Variants in TCERG1L observed in about 807,000 individuals in gnomAD.
TCERG1L encodes the protein transcription elongation regulator 1-like protein.
A neutral mutation model predicts 56.3 loss-of-function variants in TCERG1L; 37 were observed. The observed-to-expected ratio is 0.66, with a 90% confidence interval of 0.51 to 0.87. The LOEUF is 0.87. Ranked by LOEUF, TCERG1L falls within the 40% of genes least tolerant of loss-of-function variation. TCERG1L has a pLI of 0.00. For missense variants in TCERG1L, 799 were observed against 774.2 expected, an observed-to-expected ratio of 1.03 and a Z score of -0.38; for synonymous variants, 324 against 326.3, an observed-to-expected ratio of 0.99 and a Z score of 0.08.
intron 2 of TCERG1L, 131 bp downstream of exon 2, chr10:131,309,022 G>C: frequency 9.6e-7 from 1 of 1,040,668 alleles, no homozygotes; most frequent in East Asian, 2.9e-5. Flanking sequence ...ATCCTGAAAT[G>C]ATTTATTTCT....
intron 10 of TCERG1L, among the ~76,000 whole-genome samples, chr10:131,099,303 C>T (rs941714683): frequency 5.3e-5 from 8 of 152,242 alleles, no homozygotes; most frequent in Non-Finnish European, 1.0e-4. Flanking sequence ...AACCTCTTCT[C>T]TGTCAGGGTA....
rs534106293 is a variant in TCERG1L at position 131,093,801 on chromosome 10, C to T, written c.1605-483G>A. 1.8e-4 allele frequency among the ~76,000 whole-genome samples: 28 copies of T among 152,276 alleles called. 1 individual carries two copies. The highest frequency in any genetic ancestry group is 3.4e-4 in the Non-Finnish European group (23 of 68,020). ...GCCAGGGGGTCTTCTTTGGGAAACT[C>T]GCCCTATCTAGAGGCTCAGAGAACT... On this transcript the variant is annotated intron_variant, in intron 11 of 11. Transcript: ENST00000368642.
intron 6 of TCERG1L, among the ~76,000 whole-genome samples, chr10:131,147,405 A>G (rs1469848035): frequency 6.6e-6 from 1 of 152,212 alleles, no homozygotes; most frequent in Non-Finnish European, 1.5e-5. Context: ...AGCCTGCGGC[A>G]TGGAGGTGCA....
At chr10:131,293,353 G>A (rs769502818) in intron 3 of TCERG1L, among the ~76,000 whole-genome samples, 55 of 152,116 alleles carry the variant, frequency 3.6e-4, no homozygotes, top group Admixed American at 6.6e-4. Context: ...CAGGAGTATC[G>A]CCGTCTTGGA....
At chr10:131,099,515 G>T (rs10765035) in intron 10 of TCERG1L, among the ~76,000 whole-genome samples, 58,096 of 152,024 alleles carry the variant, frequency 0.38, 11,442 homozygotes, top group Middle Eastern at 0.5. Context: ...ATAGCAACTG[G>T]GCACCAATCC....
intron 5 of TCERG1L, among the ~76,000 whole-genome samples, chr10:131,164,312 C>T (rs1025420219): frequency 2.0e-5 from 3 of 151,936 alleles, no homozygotes; most frequent in Non-Finnish European, 4.4e-5. Flanking sequence ...AAATATGGCC[C>T]ATCACAATTC....
chr10:131,173,259 G>A (rs148573294), intron 4 of TCERG1L, among the ~76,000 whole-genome samples: 213 of 152,284 alleles, frequency 1.4e-3, no homozygotes, highest in Non-Finnish European at 2.4e-3. Context: ...CCAAGATGCT[G>A]AGATAAAGTA....
At chr10:131,309,367 A>G in intron 1 of TCERG1L, 68 bp from the exon 2 acceptor site, 2 of 1,534,846 alleles carry the variant, frequency 1.3e-6, no homozygotes, top group African/African-American at 2.9e-5. Flanking sequence ...ATGCCAAAAC[A>G]TGCTGGAATA....
chr10:131,310,985 T>G (rs1312362589), intron 1 of TCERG1L, among the ~76,000 whole-genome samples: 6 of 152,212 alleles, frequency 3.9e-5, no homozygotes, highest in East Asian at 1.9e-4. Context: ...CACCTCGCGA[T>G]GGACAGTGAC....
chr10:131,308,498 A>T, intron 2 of TCERG1L, 107 bp from the exon 3 acceptor site: 1 of 907,592 alleles, frequency 1.1e-6, no homozygotes, highest in Non-Finnish European at 1.7e-6. Context: ...AACATTGAAC[A>T]TTCTATTATT....
At chr10:131,094,611 G>A (rs555659733) in intron 11 of TCERG1L, among the ~76,000 whole-genome samples, 4 of 152,018 alleles carry the variant, frequency 2.6e-5, no homozygotes, top group Non-Finnish European at 5.9e-5. Flanking sequence ...CAAGAAAAGC[G>A]CTTCTCTCTG....
At position 131,104,161 on chromosome 10, in the gene TCERG1L, C is replaced by T. The variant is rs574290715; in HGVS notation, c.1485+104G>A. The T allele has an allele frequency of 6.0e-5, 47 of 783,670 alleles. No homozygotes were observed. In the African/African-American group the frequency reaches 7.6e-4, roughly 13 times the overall value. 48.5% of individuals were successfully genotyped at this position (783,670 alleles called of 1,614,324 possible). On this transcript the variant is annotated intron_variant, in intron 10 of 11. Coordinates refer to ENST00000368642, the MANE Select transcript of TCERG1L (RefSeq NM_174937.4). ...CGCAAGCCACTGGCCAAATTTACAA[C>T]ATGGGTGTCTGTTATTGAGCAATGA...
intron 4 of TCERG1L, among the ~76,000 whole-genome samples, chr10:131,216,301 G>C (rs1454733916): frequency 6.6e-6 from 1 of 152,078 alleles, no homozygotes; most frequent in Non-Finnish European, 1.5e-5. Context: ...GGGCAAAGAG[G>C]AGCTCCCAGA....
intron 4 of TCERG1L, among the ~76,000 whole-genome samples, chr10:131,250,529 G>T (rs1530064): frequency 0.31 from 44,513 of 142,048 alleles, 7,156 homozygotes; most frequent in East Asian, 0.6. Flanking sequence ...TTCCACGAAC[G>T]CAGGGAATCC....
Position 131,095,811 on chromosome 10 carries a change from G to T in TCERG1L, c.1605-2493C>A, listed in dbSNP as rs1460021775. The T allele has an allele frequency of 4.6e-5, 7 of 152,130 alleles. No homozygotes were observed. In the East Asian group the frequency reaches 1.4e-3, roughly 29 times the overall value. 9.4% of individuals were successfully genotyped at this position (152,130 alleles called of 1,614,324 possible). ...TTAACTCTCATTTTAAAAAGAGTCC[G>T]TTTAACTCCCTTCTAATTTCTACCA... On this transcript the variant is annotated intron_variant, in intron 11 of 11. Coordinates refer to ENST00000368642, the MANE Select transcript of TCERG1L (RefSeq NM_174937.4).
In TCERG1L at chr10:131,134,210, A is replaced by G. The variant is rs764724425; in HGVS notation, c.1259+169T>C. On this transcript the variant is annotated intron_variant, in intron 8 of 11. Coordinates refer to ENST00000368642, the MANE Select transcript of TCERG1L (RefSeq NM_174937.4). ...AAGCCTCCGAGATACCTGCTTCGGC[A>G]GGTGCCCAGGACACTGCTAAGACAG... 1.3e-3 allele frequency among the ~76,000 whole-genome samples: 193 copies of G among 152,328 alleles called. 1 individual carries two copies. Among genetic ancestry groups the G allele is most frequent in the Middle Eastern group, 3.4e-3 (1 of 294 alleles).
At chr10:131,232,583 A>G (rs1845864517) in intron 4 of TCERG1L, among the ~76,000 whole-genome samples, 2 of 152,258 alleles carry the variant, frequency 1.3e-5, no homozygotes, top group African/African-American at 4.8e-5. Context: ...GAATCTGAGA[A>G]AAGTTTTAAA....
At chr10:131,212,090 G>A (rs1011073831) in intron 4 of TCERG1L, among the ~76,000 whole-genome samples, 1 of 152,166 alleles carries the variant, frequency 6.6e-6, no homozygotes, top group Non-Finnish European at 1.5e-5. Context: ...CCACATGTAT[G>A]AGAGACCACC....
At chr10:131,235,052 T>C (rs2944499) in intron 4 of TCERG1L, among the ~76,000 whole-genome samples, 72,934 of 152,030 alleles carry the variant, frequency 0.48, 17,910 homozygotes, top group East Asian at 0.61. Flanking sequence ...GGTGAGCCTC[T>C]GGACAGTGGG....
Sources: allele counts gnomAD v4.1 joint callset (sites outside exome capture counted in the v4.1 genomes callset), GRCh38; gene constraint gnomAD v4.1.1; transcripts MANE v1.5; gene names NCBI Gene and HGNC (gene_info 2026-07-23, HGNC 2026-07-21).